Variants in CLEC16A observed in about 807,000 individuals in gnomAD.
CLEC16A encodes the protein C-type lectin domain containing 16A, also known as protein CLEC16A.
Under a neutral mutation model 109.5 loss-of-function variants are expected in CLEC16A, and 51 were observed. That is an observed-to-expected ratio of 0.47 (90% confidence interval 0.37 to 0.59). CLEC16A has a LOEUF of 0.59. CLEC16A is among the 20% of genes least tolerant of loss of function. The pLI is 0.00. For missense variants in CLEC16A, 1,339 were observed against 1,394.0 expected, an observed-to-expected ratio of 0.96 and a Z score of 0.63; for synonymous variants, 673 against 564.2, an observed-to-expected ratio of 1.19 and a Z score of -2.73.
intron 19 of CLEC16A, among the ~76,000 whole-genome samples, chr16:11,090,128 T>C (rs2050223501): frequency 1.3e-5 from 2 of 152,136 alleles, no homozygotes; most frequent in Admixed American, 6.6e-5. Flanking sequence ...GAATCATGCG[T>C]CCCCTGCATT....
At position 11,174,787 on chromosome 16, in the gene CLEC16A, C is replaced by T. The variant is rs1403245821; in HGVS notation, c.2807-3548C>T. On this transcript the variant is annotated intron_variant, in intron 23 of 23. Coordinates refer to ENST00000409790, the MANE Select transcript of CLEC16A (RefSeq NM_015226.3). The surrounding 1 kb of genome is among the most constrained non-coding windows in gnomAD (Gnocchi z 4.7). ...AGTGGCAAATTCAGTCCTGTTTTGA[C>T]CGGAAGCCAAGAGCCATTTCCCTCA... is the stretch of plus-strand genomic sequence containing the variant. 6.6e-6 allele frequency among the ~76,000 whole-genome samples: 1 copy of T among 152,232 alleles called. No homozygotes were observed. Among genetic ancestry groups the T allele is most frequent in the Admixed American group, 6.5e-5 (1 of 15,292 alleles).
chr16:10,995,551 C>T (rs905575910), intron 10 of CLEC16A, among the ~76,000 whole-genome samples: 2 of 152,192 alleles, frequency 1.3e-5, no homozygotes, highest in African/African-American at 4.8e-5. Context: ...CCCTCCCCTG[C>T]CCTCTCTTCC....
chr16:11,143,485 A>G (rs891201511), intron 22 of CLEC16A, among the ~76,000 whole-genome samples: 3 of 152,158 alleles, frequency 2.0e-5, no homozygotes, highest in Non-Finnish European at 2.9e-5. Context: ...AAACCATGCC[A>G]CTTATATAGC....
intron 11 of CLEC16A, among the ~76,000 whole-genome samples, chr16:11,007,456 G>A (rs2045096917): frequency 6.6e-6 from 1 of 152,198 alleles, no homozygotes; most frequent in Non-Finnish European, 1.5e-5. Context: ...GGAGAGTTGA[G>A]ATCTGAATCC....
chr16:11,173,395 G>T (rs546729461), intron 23 of CLEC16A, among the ~76,000 whole-genome samples: 3 of 151,980 alleles, frequency 2.0e-5, no homozygotes, highest in Non-Finnish European at 2.9e-5. Context: ...TTCTCCCTTC[G>T]CAGTGAGATG....
intron 19 of CLEC16A, among the ~76,000 whole-genome samples, chr16:11,079,217 CTA>C (rs1255736343): frequency 3.9e-5 from 6 of 152,224 alleles, no homozygotes; most frequent in Non-Finnish European, 8.8e-5. Flanking sequence ...CCAGCCATCC[CTA>C]TCTCTTGTGG....
chr16:11,150,053 C>G (rs954932452), intron 22 of CLEC16A: 1 of 152,138 alleles, frequency 6.6e-6, no homozygotes, highest in East Asian at 1.9e-4. Flanking sequence ...TATTTATGGG[C>G]GGGTTTATTA....
intron 17 of CLEC16A, among the ~76,000 whole-genome samples, 166 bp from the exon 18 acceptor site, chr16:11,051,347 A>T (rs2047930092): frequency 6.6e-6 from 1 of 152,252 alleles, no homozygotes; most frequent in African/African-American, 2.4e-5. Context: ...TTGCTCCCTT[A>T]TCTGGCTGCC....
At chr16:10,962,925 GGTGT>G (rs1286677858) in intron 3 of CLEC16A, among the ~76,000 whole-genome samples, 1 of 152,060 alleles carries the variant, frequency 6.6e-6, no homozygotes, top group East Asian at 1.9e-4. Context: ...TGGGTGTGGT[GGTGT>G]GCACATGTAG....
intron 10 of CLEC16A, among the ~76,000 whole-genome samples, 168 bp from the exon 11 acceptor site, chr16:11,002,906 T>C (rs2044752919): frequency 6.6e-6 from 1 of 152,116 alleles, no homozygotes; most frequent in Non-Finnish European, 1.5e-5. Flanking sequence ...TCCATGTCTT[T>C]GCTATTGTGA....
At chr16:11,072,211 T>C (rs2049114141) in intron 19 of CLEC16A, among the ~76,000 whole-genome samples, 1 of 152,090 alleles carries the variant, frequency 6.6e-6, no homozygotes, top group Non-Finnish European at 1.5e-5. Context: ...AGCCTCGAAC[T>C]CCTGGCCTCA....
intron 4 of CLEC16A, among the ~76,000 whole-genome samples, chr16:10,969,652 C>T (rs369799476): frequency 8.5e-5 from 13 of 152,290 alleles, no homozygotes; most frequent in African/African-American, 3.1e-4. Flanking sequence ...CCTGGCCAGC[C>T]TTTCCATTGT....
chr16:11,090,346 G>T (rs2050235596), intron 19 of CLEC16A, among the ~76,000 whole-genome samples: 1 of 152,036 alleles, frequency 6.6e-6, no homozygotes, highest in Non-Finnish European at 1.5e-5. Flanking sequence ...CTTAAGAATG[G>T]GCTGTTACTT....
Position 10,982,650 on chromosome 16 carries a change from G to A in CLEC16A, c.958-228G>A, listed in dbSNP as rs77807668. Among the ~76,000 whole-genome samples the A allele has an allele frequency of 2.8e-3, 433 of 152,282 alleles. 1 individual carries two copies. Among genetic ancestry groups the A allele is most frequent in the Non-Finnish European group, 3.5e-3 (239 of 68,020 alleles). ...GTCTCGCATTAATGCACTTCCTTCC[G>A]AGGAAGAGCAGCCAGCCAAATAGGC... On this transcript the variant is annotated intron_variant, in intron 9 of 23. Transcript: ENST00000409790.
chr16:11,069,605 T>C (rs1270255547), intron 19 of CLEC16A, among the ~76,000 whole-genome samples: 1 of 149,130 alleles, frequency 6.7e-6, no homozygotes, highest in Non-Finnish European at 1.5e-5. Flanking sequence ...GTCCAGCTGA[T>C]TTTTTTTTTA....
chr16:11,172,251 T>C (rs2068551425), intron 23 of CLEC16A, among the ~76,000 whole-genome samples: 1 of 151,918 alleles, frequency 6.6e-6, no homozygotes, highest in Non-Finnish European at 1.5e-5. Context: ...GTCACACGCA[T>C]ACAAATGTAT....
At chr16:10,986,657 A>G (rs1192450867) in intron 10 of CLEC16A, among the ~76,000 whole-genome samples, 2 of 151,508 alleles carry the variant, frequency 1.3e-5, no homozygotes, top group Non-Finnish European at 2.9e-5. Flanking sequence ...TCACTGGCTC[A>G]TTTCACTTAA....
At chr16:11,078,283 G>A (rs1294971270) in intron 19 of CLEC16A, among the ~76,000 whole-genome samples, 3 of 152,064 alleles carry the variant, frequency 2.0e-5, no homozygotes, top group Non-Finnish European at 4.4e-5. Context: ...CACTGGCTCC[G>A]GGGTGGGGCC....
chr16:11,110,798 G>A (rs140690891), intron 19 of CLEC16A, among the ~76,000 whole-genome samples: 1 of 152,334 alleles, frequency 6.6e-6, no homozygotes, highest in African/African-American at 2.4e-5. Context: ...CTCAGAAAAG[G>A]GAGGTGATCG....
Sources: allele counts gnomAD v4.1 joint callset (sites outside exome capture counted in the v4.1 genomes callset), GRCh38; gene constraint gnomAD v4.1.1; non-coding constraint Gnocchi (gnomAD v3.1); transcripts MANE v1.5; gene names NCBI Gene and HGNC (gene_info 2026-07-23, HGNC 2026-07-21).